ZNF461: variants seen among roughly 807,000 people sequenced by gnomAD.
ZNF461 encodes zinc finger protein 461, also known as gonadotropin-inducible ovarian transcription factor-1.
Under a neutral mutation model 18.3 loss-of-function variants are expected in ZNF461, and 16 were observed. The observed-to-expected ratio is 0.88, with a 90% CI of 0.59 to 1.33. ZNF461 has a LOEUF of 1.33. ZNF461 is among the 40% of genes most tolerant of loss of function. The pLI is 0.00. For missense variants in ZNF461, 595 were observed against 669.9 expected, an observed-to-expected ratio of 0.89 and a Z score of 1.23; for synonymous variants, 179 against 216.9, an observed-to-expected ratio of 0.83 and a Z score of 1.54.
At chr19:36,661,172 G>A (rs2037812572) in intron 2 of ZNF461, among the ~76,000 whole-genome samples, 2 of 151,924 alleles carry the variant, frequency 1.3e-5, no homozygotes, top group East Asian at 3.9e-4. Flanking sequence ...TAGTTACTTG[G>A]AAGGCTGAGG....
At chr19:36,649,371 C>T (rs1458539746) in intron 4 of ZNF461, among the ~76,000 whole-genome samples, 1 of 152,082 alleles carries the variant, frequency 6.6e-6, no homozygotes, top group Admixed American at 6.5e-5. Flanking sequence ...ACTCTTGGCG[C>T]CCAGGCTGGA....
intron 2 of ZNF461, among the ~76,000 whole-genome samples, chr19:36,660,857 TA>T (rs1380883827): frequency 6.6e-6 from 1 of 151,768 alleles, no homozygotes; most frequent in Non-Finnish European, 1.5e-5. Flanking sequence ...ATAGTAAACA[TA>T]GGGGTAAATA....
intron 2 of ZNF461, 54 bp downstream of exon 2, chr19:36,664,640 AAAAC>A (rs1390104312): frequency 2.7e-5 from 39 of 1,454,764 alleles, no homozygotes; most frequent in Non-Finnish European, 3.1e-5. Context: ...AAAAAAAACA[AAAAC>A]AAACAAACAA....
At chr19:36,662,001 T>C (rs1394101709) in intron 2 of ZNF461, among the ~76,000 whole-genome samples, 2 of 151,354 alleles carry the variant, frequency 1.3e-5, no homozygotes, top group South Asian at 2.1e-4. Context: ...TCCTGAGTAG[T>C]TGGGATTACA....
chr19:36,664,463 C>A (rs2037868781), intron 2 of ZNF461, among the ~76,000 whole-genome samples: 1 of 152,040 alleles, frequency 6.6e-6, no homozygotes, highest in South Asian at 2.1e-4. Flanking sequence ...TGGCACGTGC[C>A]TGTTGTCCCA....
intron 4 of ZNF461, among the ~76,000 whole-genome samples, chr19:36,648,558 T>TTTTG (rs150420348): frequency 3.3e-5 from 5 of 151,948 alleles, no homozygotes; most frequent in African/African-American, 1.2e-4. Flanking sequence ...TTGTGTGCTT[T>TTTTG]TTTGTTTGTT....
Position 36,637,370 on chromosome 19 carries a change from TA to T in ZNF461, c.*1282del, listed in dbSNP as rs1360587896. The stretch of plus-strand genomic sequence containing the variant: ...CACCACCACGCCCAGCTAATTTTTG[TA>T]TTTTTTTTTTAGTAGAGACGGGGTT... On this transcript the variant is annotated 3_prime_UTR_variant, in exon 6 of 6. Transcript: ENST00000588268. The T allele has an allele frequency of 6.6e-6, 1 of 151,862 alleles. No homozygotes were observed. Among genetic ancestry groups the T allele is most frequent in the African/African-American group, 2.4e-5 (1 of 41,304 alleles). 9.4% of individuals were successfully genotyped at this position (151,862 alleles called of 1,614,324 possible). A position where few individuals can be genotyped will look rare whatever the true frequency, so the allele number is the denominator to read the frequency against.
chr19:36,652,731 C>G (rs780999148), intron 4 of ZNF461, among the ~76,000 whole-genome samples: 2 of 152,040 alleles, frequency 1.3e-5, no homozygotes, highest in African/African-American at 4.8e-5. Flanking sequence ...CAGGGCAACC[C>G]GCTGGGGTCC....
At position 36,639,841 on chromosome 19, in the gene ZNF461, G is replaced by A. The variant is rs759941428; in HGVS notation, c.504C>T (p.Asn168=). 6.2e-7 allele frequency: 1 copy of A among 1,613,862 alleles called. No individual in the cohort carries two copies. Among genetic ancestry groups the A allele is most frequent in the South Asian group, 1.1e-5 (1 of 91,086 alleles). ...EEGYFRQLMI[N]HENMPIFSQH... is the part of the protein sequence containing the mutation. The stretch of plus-strand genomic sequence containing the variant: ...GGCTAAAAATGGGCATGTTTTCATG[G>A]TTAATCATAAGTTGTCTAAAATAAC... Residue 168 remains asparagine, a synonymous_variant, in exon 6 of 6, where the codon AAC becomes AAT. Coordinates refer to ENST00000588268, the MANE Select transcript of ZNF461 (RefSeq NM_153257.5).
chr19:36,640,609 T>C (rs1156318765), intron 5 of ZNF461, among the ~76,000 whole-genome samples: 3 of 152,212 alleles, frequency 2.0e-5, no homozygotes, highest in East Asian at 3.8e-4. Context: ...CTGAGTTCTT[T>C]CGTTAAGAGC....
Position 36,637,009 on chromosome 19 carries a change from C to T in ZNF461, c.*1644G>A, listed in dbSNP as rs1427817483. On this transcript the variant is annotated 3_prime_UTR_variant, in exon 6 of 6. Coordinates refer to ENST00000588268, the MANE Select transcript of ZNF461 (RefSeq NM_153257.5). ...ATTAGGAGGCTTTCCTCCTCAGAGGCCTCTTGTGGCTTTCCACAACTTATT... is the reference window on the plus strand; with the variant it reads ...ATTAGGAGGCTTTCCTCCTCAGAGGTCTCTTGTGGCTTTCCACAACTTATT... Among the ~76,000 whole-genome samples, 1 of 152,104 alleles carries T rather than the reference C, an allele frequency of 6.6e-6. No homozygotes were observed. Among genetic ancestry groups the T allele is most frequent in the Non-Finnish European group, 1.5e-5 (1 of 68,018 alleles).
Position 36,639,996 on chromosome 19 carries a change from T to C in ZNF461, c.349A>G (p.Ile117Val). The change falls in exon 6 of 6, where the codon ATT becomes GTT. Residue 117 changes from isoleucine to valine, a missense_variant. Ile to Val is a conservative substitution (Grantham distance 29). Coordinates refer to ENST00000588268, the MANE Select transcript of ZNF461 (RefSeq NM_153257.5). ...EPQKLSPKRDIYETELSQWVN... is the reference protein window; with the variant it reads ...EPQKLSPKRDVYETELSQWVN... ...CACTGGGATAATTCTGTTTCATAAA[T>C]ATCCCTTTTTGGAGATAACTTCTGG... is the stretch of plus-strand genomic sequence containing the variant. The C allele has an allele frequency of 1.2e-6, 2 of 1,613,436 alleles. No homozygotes were observed. Among genetic ancestry groups the C allele is most frequent in the Non-Finnish European group, 1.7e-6 (2 of 1,179,646 alleles).
chr19:36,664,510 C>T (rs1053225050), intron 2 of ZNF461, among the ~76,000 whole-genome samples, 188 bp downstream of exon 2: 4 of 151,898 alleles, frequency 2.6e-5, no homozygotes, highest in African/African-American at 9.7e-5. Flanking sequence ...ATCGCCTGAA[C>T]CTGGGAGGTG....
At position 36,639,361 on chromosome 19, in the gene ZNF461, G is replaced by C. The variant is rs1350026582; in HGVS notation, c.984C>G (p.Pro328=). 6.2e-7 allele frequency: 1 copy of C among 1,613,776 alleles called. No individual in the cohort carries two copies. Among genetic ancestry groups the C allele is most frequent in the Admixed American group, 1.7e-5 (1 of 59,992 alleles). The stretch of plus-strand genomic sequence containing the variant: ...CCTTCCCACATTGCTTACATTCATA[G>C]GGTTTTTCACCAGTATGAAGTCTCT... ...QHQRLHTGEK[P]YECKQCGKAF... is the part of the protein sequence containing the mutation. Residue 328 remains proline (P), a synonymous_variant, in exon 6 of 6, where the codon CCC becomes CCG. Transcript: ENST00000588268.
chr19:36,658,115 GA>G, intron 3 of ZNF461, 183 bp downstream of exon 3: 1 of 596,394 alleles, frequency 1.7e-6, no homozygotes, highest in East Asian at 3.0e-5. Context: ...TAAGGATGGG[GA>G]AAATGAAAAT....
chr19:36,665,933 G>T (rs1391961435), intron 1 of ZNF461, among the ~76,000 whole-genome samples: 1 of 151,928 alleles, frequency 6.6e-6, no homozygotes, highest in Non-Finnish European at 1.5e-5. Flanking sequence ...ATGGATGAAT[G>T]ACAGATCTCT....
intron 5 of ZNF461, among the ~76,000 whole-genome samples, chr19:36,642,275 C>G (rs1322625067): frequency 6.6e-6 from 1 of 152,160 alleles, no homozygotes; most frequent in Admixed American, 6.6e-5. Flanking sequence ...TAACTGAGCT[C>G]AGCCAGGCAT....
chr19:36,651,925 T>C (rs2037633633), intron 4 of ZNF461, among the ~76,000 whole-genome samples: 1 of 152,148 alleles, frequency 6.6e-6, no homozygotes, highest in Non-Finnish European at 1.5e-5. Flanking sequence ...ATGTTAAGGT[T>C]TACTGTATAA....
In ZNF461 at chr19:36,639,045, T is replaced by C. The variant is rs772160829; in HGVS notation, c.1300A>G (p.Ile434Val). The change falls in exon 6 of 6, where the codon ATT (isoleucine) becomes GTT (valine). Residue 434 changes from isoleucine to valine, a missense_variant. Coordinates refer to ENST00000588268, the MANE Select transcript of ZNF461 (RefSeq NM_153257.5). ...DGLQLTLHQR[I>V]HTGEKPYECK... Reference sequence around the variant, plus strand: ...TCATAGGGTTTCTCACCAGTATGAATCCTCTGATGTAGGGTTAGTTGTAAG... The same window carrying C: ...TCATAGGGTTTCTCACCAGTATGAACCCTCTGATGTAGGGTTAGTTGTAAG... 6.6e-5 allele frequency: 107 copies of C among 1,613,866 alleles called. No individual in the cohort carries two copies. The highest frequency in any genetic ancestry group is 9.0e-5 in the Non-Finnish European group (106 of 1,180,010).
Sources: allele counts gnomAD v4.1 joint callset (sites outside exome capture counted in the v4.1 genomes callset), GRCh38; gene constraint gnomAD v4.1.1; transcripts MANE v1.5; gene names NCBI Gene and HGNC (gene_info 2026-07-23, HGNC 2026-07-21).